The following SRBD1 variants were observed in gnomAD, a reference collection of about 807,000 sequenced individuals.
The protein encoded by SRBD1 is S1 RNA binding domain 1, also known as S1 RNA-binding domain-containing protein 1.
A neutral mutation model predicts 115.3 loss-of-function variants in SRBD1; 88 were observed. The ratio of observed to expected loss-of-function variants is 0.76; its 90% CI spans 0.64 to 0.91. The LOEUF (loss-of-function observed/expected upper bound fraction) is 0.91, where lower values mean the gene tolerates loss of function less well. SRBD1 is among the 40% of genes least tolerant of loss of function. The probability of loss-of-function intolerance (pLI) is 0.00; values close to 1 mark genes in which losing one functional copy is unlikely to be tolerated. For missense variants in SRBD1, 1,385 were observed against 1,177.4 expected (o/e 1.18, Z -2.58); for synonymous variants, 509 against 407.7 (o/e 1.25, Z -2.99).
intron 16 of SRBD1, among the ~76,000 whole-genome samples, chr2:45,423,132 G>A (rs1318865140): frequency 6.6e-6 from 1 of 152,168 alleles, no homozygotes; most frequent in African/African-American, 2.4e-5. Flanking sequence ...GACCCCAGAT[G>A]TGTTGTTGGT....
At chr2:45,437,841 T>TG (rs1388347732) in intron 16 of SRBD1, among the ~76,000 whole-genome samples, 1 of 152,176 alleles carries the variant, frequency 6.6e-6, no homozygotes, top group Non-Finnish European at 1.5e-5. Flanking sequence ...TAACTAAACT[T>TG]GGATATGGCA....
chr2:45,549,367 G>C (rs1340245539), intron 12 of SRBD1, among the ~76,000 whole-genome samples: 1 of 151,508 alleles, frequency 6.6e-6, no homozygotes, highest in Non-Finnish European at 1.5e-5. Context: ...AGAACAACTT[G>C]CCTGACCCAG....
rs1055060779 is a variant in SRBD1, at chr2:45,599,677, G to C, written c.420C>G (p.Ser140Arg). 5 of 1,614,070 alleles carry C rather than the reference G, an allele frequency of 3.1e-6. No individual in the cohort carries two copies. In the Admixed American group the frequency reaches 8.3e-5, roughly 27 times the overall value. The change falls in exon 4 of 21, where the codon AGC becomes AGG. Residue 140 changes from serine (S) to arginine (R), a missense_variant. Ser to Arg is a moderately radical substitution (Grantham distance 110). Transcript: ENST00000263736. ...TCTCACCCTCTAAGTTGCTGGCTTTGCTGGTTTCTTCTTCAACTTTCAGCT... is the reference window on the plus strand; with the variant it reads ...TCTCACCCTCTAAGTTGCTGGCTTTCCTGGTTTCTTCTTCAACTTTCAGCT... The part of the protein sequence containing the change: ...TKKLKVEEET[S>R]KASNLEGESN...
intron 19 of SRBD1, among the ~76,000 whole-genome samples, chr2:45,408,458 C>A (rs890744734): frequency 2.6e-5 from 4 of 152,170 alleles, no homozygotes; most frequent in Non-Finnish European, 5.9e-5. Flanking sequence ...AAATACTTCA[C>A]AAATACCCTC....
At chr2:45,523,749 AT>A (rs1671358461) in intron 14 of SRBD1, among the ~76,000 whole-genome samples, 2 of 151,960 alleles carry the variant, frequency 1.3e-5, no homozygotes, top group Admixed American at 1.3e-4. Flanking sequence ...TCTACCAAAC[AT>A]TTAAAAAAAG....
intron 19 of SRBD1, among the ~76,000 whole-genome samples, chr2:45,405,753 T>TAAAAGAGTTAAGAATG (rs1667417209): frequency 2.6e-5 from 1 of 38,648 alleles, no homozygotes; most frequent in South Asian, 7.9e-4. Flanking sequence ...GCAGAATGGG[T>TAAAAGAGTTAAGAATG]AAAAGAGACG....
chr2:45,429,549 G>C (rs995664587), intron 16 of SRBD1, among the ~76,000 whole-genome samples: 3 of 151,976 alleles, frequency 2.0e-5, no homozygotes, highest in Admixed American at 2.0e-4. Flanking sequence ...AAAACTACAT[G>C]ATTATCTCAA....
At chr2:45,485,600 T>C (rs188486464) in intron 15 of SRBD1, among the ~76,000 whole-genome samples, 1 of 152,328 alleles carries the variant, frequency 6.6e-6, no homozygotes, top group East Asian at 1.9e-4. Context: ...AGCATATATA[T>C]AGAAGACAAC....
intron 2 of SRBD1, among the ~76,000 whole-genome samples, chr2:45,602,356 T>G (rs1674121992): frequency 2.0e-5 from 3 of 152,196 alleles, no homozygotes; most frequent in Admixed American, 2.0e-4. Context: ...ACACATTCAT[T>G]CAAGACATAG....
chr2:45,610,672 C>A (rs1674417524), intron 1 of SRBD1, among the ~76,000 whole-genome samples: 1 of 152,274 alleles, frequency 6.6e-6, no homozygotes, highest in East Asian at 1.9e-4. Context: ...ACATGCCAGG[C>A]GCACTACAGA....
chr2:45,432,438 A>G (rs1668369406), intron 16 of SRBD1, among the ~76,000 whole-genome samples: 1 of 152,216 alleles, frequency 6.6e-6, no homozygotes, highest in South Asian at 2.1e-4. Flanking sequence ...AGAGGCATTC[A>G]TTTGCTATTC....
At chr2:45,466,129 A>G (rs767054844) in intron 16 of SRBD1, among the ~76,000 whole-genome samples, 20 of 152,146 alleles carry the variant, frequency 1.3e-4, no homozygotes, top group Admixed American at 3.9e-4. Flanking sequence ...AAATACTGTG[A>G]TTTCAGACAC....
At chr2:45,502,704 A>T (rs910133317) in intron 14 of SRBD1, among the ~76,000 whole-genome samples, 14 of 151,996 alleles carry the variant, frequency 9.2e-5, no homozygotes, top group African/African-American at 3.4e-4. Flanking sequence ...AGGGGGAGGG[A>T]TAGCATTAGG....
intron 14 of SRBD1, among the ~76,000 whole-genome samples, chr2:45,526,034 C>T (rs1278514028): frequency 6.6e-6 from 1 of 151,982 alleles, no homozygotes; most frequent in Non-Finnish European, 1.5e-5. Context: ...AAGAGTGCCA[C>T]CACTTTGGAA....
At chr2:45,605,678 C>T (rs1287967693) in intron 1 of SRBD1, among the ~76,000 whole-genome samples, 5 of 152,096 alleles carry the variant, frequency 3.3e-5, no homozygotes, top group Non-Finnish European at 7.4e-5. Context: ...CCAAGGAGGG[C>T]GGATCACCTG....
chr2:45,534,085 C>CA (rs1164078458), intron 14 of SRBD1, among the ~76,000 whole-genome samples: 1 of 151,906 alleles, frequency 6.6e-6, no homozygotes, highest in Non-Finnish European at 1.5e-5. Context: ...ACATGGGTTA[C>CA]AAAACTGGTA....
At chr2:45,439,410 T>C (rs553183161) in intron 16 of SRBD1, among the ~76,000 whole-genome samples, 1 of 147,232 alleles carries the variant, frequency 6.8e-6, no homozygotes, top group African/African-American at 2.6e-5. Flanking sequence ...TATATATATA[T>C]GCATATATAT....
At chr2:45,460,264 T>C (rs538076359) in intron 16 of SRBD1, among the ~76,000 whole-genome samples, 6 of 152,316 alleles carry the variant, frequency 3.9e-5, no homozygotes, top group Non-Finnish European at 7.3e-5. Context: ...CGTAAATTTG[T>C]ATTTTGAAAA....
intron 14 of SRBD1, among the ~76,000 whole-genome samples, chr2:45,540,368 T>C (rs898007943): frequency 2.7e-5 from 4 of 146,670 alleles, no homozygotes; most frequent in Non-Finnish European, 6.0e-5. Context: ...ATTAAATGAG[T>C]GGATGTCAAT....
Sources: allele counts gnomAD v4.1 joint callset (sites outside exome capture counted in the v4.1 genomes callset), GRCh38; gene constraint gnomAD v4.1.1; transcripts MANE v1.5; gene names NCBI Gene and HGNC (gene_info 2026-07-23, HGNC 2026-07-21).